VPS35: variants seen among roughly 807,000 people sequenced by gnomAD.
The protein encoded by VPS35 is vacuolar protein sorting-associated protein 35.
VPS35 carries 21 observed loss-of-function variants against 98.1 expected under a neutral mutation model. The ratio of observed to expected loss-of-function variants is 0.21; its 90% confidence interval spans 0.15 to 0.31. VPS35 has a LOEUF of 0.31. Ranked by LOEUF, VPS35 falls within the 10% of genes least tolerant of loss-of-function variation. VPS35 has a pLI of 1.00. For synonymous variants in VPS35, 268 were observed against 318.2 expected (o/e 0.84, Z 1.68); for missense variants, 554 against 950.8 (o/e 0.58, Z 5.49).
rs1220417976 is a variant in VPS35, at chr16:46,685,668, A to T, written c.4-2062T>A. On this transcript the variant is annotated intron_variant, in intron 1 of 16. Coordinates refer to ENST00000299138, the MANE Select transcript of VPS35 (RefSeq NM_018206.6). ...AGCATTTAAAGACTCTGACTTAATG[A>T]AATTTACTATTCATCATGGGCTAGT... is the stretch of plus-strand genomic sequence containing the variant. Among the ~76,000 whole-genome samples, 4 of 152,142 alleles carry T rather than the reference A, an allele frequency of 2.6e-5. No homozygotes were observed. The East Asian group carries it at 7.7e-4, about 29-fold the overall frequency.
rs1457963813 is a variant in VPS35, at chr16:46,658,687, ACTAACAC to A, written c.*1778_*1784del. On this transcript the variant is annotated 3_prime_UTR_variant, in exon 17 of 17. Coordinates refer to ENST00000299138, the MANE Select transcript of VPS35 (RefSeq NM_018206.6). ...CCATAATCAGGTTTATACGGGGTAAACTAACACCTACAAAGAACAGAAAGGGTTTGCT... is the reference window on the plus strand; with the variant it reads ...CCATAATCAGGTTTATACGGGGTAAACTACAAAGAACAGAAAGGGTTTGCT... The A allele has an allele frequency of 1.3e-5, 2 of 152,364 alleles. No individual in the cohort carries two copies. The highest frequency in any genetic ancestry group is 2.9e-5 in the Non-Finnish European group (2 of 68,052). 9.4% of individuals were successfully genotyped at this position (152,364 alleles called of 1,614,324 possible). A position where few individuals can be genotyped will look rare whatever the true frequency, so the allele number is the denominator to read the frequency against.
Position 46,661,795 on chromosome 16 carries a change from C to G in VPS35, c.2134G>C (p.Asp712His). ...KALKIANQCM[D>H]PSLQVQLFIE... ...AAAAGCTGCACTTGTAGAGAGGGGT[C>G]CATGCACTGATTTGCTATTTTTAGA... is the stretch of plus-strand genomic sequence containing the variant. Residue 712 changes from aspartate (D) to histidine (H), a missense_variant, in exon 16 of 17, where the codon GAC (aspartate) becomes CAC (histidine). Coordinates refer to ENST00000299138, the MANE Select transcript of VPS35 (RefSeq NM_018206.6). The surrounding 1 kb of genome is among the most constrained non-coding windows in gnomAD (Gnocchi z 4.3). 6.2e-7 allele frequency: 1 copy of G among 1,614,080 alleles called. No individual in the cohort carries two copies. Among genetic ancestry groups the G allele is most frequent in the African/African-American group, 1.3e-5 (1 of 75,040 alleles).
At chr16:46,667,859 A>G (rs545368756) in intron 13 of VPS35, among the ~76,000 whole-genome samples, 13 of 152,268 alleles carry the variant, frequency 8.5e-5, no homozygotes, top group African/African-American at 2.9e-4. Flanking sequence ...TAGACTCTCT[A>G]TTCTGTTCCA....
chr16:46,676,646 C>A lies in VPS35; in HGVS notation c.851G>T (p.Arg284Leu). The A allele has an allele frequency of 6.2e-7, 1 of 1,613,074 alleles. No homozygotes were observed. Among genetic ancestry groups the A allele is most frequent in the South Asian group, 1.1e-5 (1 of 91,046 alleles). ...ATTCTGGTGTAACTCAGCACAGGCCCGAAGAAAAGGATTCAAAGTCTGGAG... is the reference window on the plus strand; with the variant it reads ...ATTCTGGTGTAACTCAGCACAGGCCAGAAGAAAAGGATTCAAAGTCTGGAG... ...FHLQTLNPFLRACAELHQNVN... is the reference protein window; with the variant it reads ...FHLQTLNPFLLACAELHQNVN... The change falls in exon 8 of 17, where the codon CGG becomes CTG. Residue 284 changes from arginine (R) to leucine (L), a missense_variant. By Grantham distance (102) the Arg-to-Leu change is moderately radical. Transcript: ENST00000299138.
In VPS35 at chr16:46,681,747, T is replaced by C. The variant is rs2143008833; in HGVS notation, c.200-247A>G. On this transcript the variant is annotated intron_variant, in intron 3 of 16. Transcript: ENST00000299138. ...GTCAGACTGCTAATGGGTTTTGAAA[T>C]GGCAAATGATTAAATTCCTGTCCAT... 3 of 554,466 alleles carry C rather than the reference T, an allele frequency of 5.4e-6. No homozygotes were observed. In the South Asian group the frequency reaches 6.2e-5, roughly 11 times the overall value. The allele number at this position is 554,466 out of a possible 1,614,324, so 34.3% of individuals were successfully genotyped here.
chr16:46,668,849 TTATAA>T (rs2143006979), intron 13 of VPS35, 76 bp downstream of exon 13: 3 of 1,565,942 alleles, frequency 1.9e-6, no homozygotes, highest in African/African-American at 2.8e-5. Flanking sequence ...TTGAAATTTT[TTATAA>T]TATAAAACAA....
At chr16:46,687,283 T>C (rs1001066360) in intron 1 of VPS35, among the ~76,000 whole-genome samples, 24 of 152,178 alleles carry the variant, frequency 1.6e-4, no homozygotes, top group South Asian at 4.1e-4. Context: ...ATGGCATACA[T>C]TGACAACTGA....
chr16:46,678,700 CT>C, intron 6 of VPS35, among the ~76,000 whole-genome samples: 1 of 152,286 alleles, frequency 6.6e-6, no homozygotes, highest in South Asian at 2.1e-4. Context: ...CAAAAGTCTG[CT>C]GGGATTTTGA....
intron 12 of VPS35, 129 bp from the exon 13 acceptor site, chr16:46,669,181 G>T (rs1289951722): frequency 2.6e-6 from 3 of 1,166,366 alleles, no homozygotes; most frequent in Non-Finnish European, 3.8e-6. Context: ...TTTATGGTAG[G>T]CAATTTACAT....
intron 2 of VPS35, 104 bp downstream of exon 2, chr16:46,683,404 G>A: frequency 9.2e-7 from 1 of 1,084,404 alleles, no homozygotes; most frequent in Non-Finnish European, 1.4e-6. Context: ...CTGGTAAACG[G>A]TGAAGATTAG....
At position 46,657,545 on chromosome 16, in the gene VPS35, C is replaced by T. The variant is rs1264408499; in HGVS notation, c.*2927G>A. On this transcript the variant is annotated 3_prime_UTR_variant, in exon 17 of 17. Transcript: ENST00000299138. ...CTGTACACAAGTGCTCATCATTCTC[C>T]TTCTAGGTGCTCTGGTGCCTGATCA... 1.3e-5 allele frequency: 2 copies of T among 152,174 alleles called. No individual in the cohort carries two copies. Among genetic ancestry groups the T allele is most frequent in the African/African-American group, 4.8e-5 (2 of 41,410 alleles). The allele number at this position is 152,174 out of a possible 1,614,324, so 9.4% of individuals were successfully genotyped here. A position where few individuals can be genotyped will look rare whatever the true frequency, so the allele number is the denominator to read the frequency against.
intron 1 of VPS35, 40 bp downstream of exon 1, chr16:46,689,091 G>A: frequency 6.2e-7 from 1 of 1,603,304 alleles, no homozygotes; most frequent in Non-Finnish European, 8.5e-7. Flanking sequence ...GGGGCTACAA[G>A]GAGGGTCGAC....
chr16:46,686,190 C>T (rs1966310640), intron 1 of VPS35, among the ~76,000 whole-genome samples: 1 of 152,088 alleles, frequency 6.6e-6, no homozygotes, highest in South Asian at 2.1e-4. Context: ...CAATGTTCAT[C>T]CATGTTGCAG....
chr16:46,661,827 T>C lies in VPS35; in HGVS notation c.2102A>G (p.Lys701Arg). 1.2e-6 allele frequency: 2 copies of C among 1,614,170 alleles called. No individual in the cohort carries two copies. Among genetic ancestry groups the C allele is most frequent in the Non-Finnish European group, 1.7e-6 (2 of 1,180,030 alleles). Reference sequence around the variant, plus strand: ...CTGATTTGCTATTTTTAGAGCTTTTTTTAGGCACTCCATTACCCTCTTGCC... The same window carrying C: ...CTGATTTGCTATTTTTAGAGCTTTTCTTAGGCACTCCATTACCCTCTTGCC... ...HGGKRVMECLKKALKIANQCM... is the reference protein window; with the variant it reads ...HGGKRVMECLRKALKIANQCM... The change falls in exon 16 of 17, where the codon AAA becomes AGA. Residue 701 changes from lysine (K) to arginine (R), a missense_variant. This residue lies in a region of VPS35 where 153 missense variants were observed against 211.0 expected (regional missense o/e 0.73). Coordinates refer to ENST00000299138, the MANE Select transcript of VPS35 (RefSeq NM_018206.6). The surrounding 1 kb of genome is among the most constrained non-coding windows in gnomAD (Gnocchi z 4.3).
intron 12 of VPS35, among the ~76,000 whole-genome samples, chr16:46,671,434 T>C (rs1323257458): frequency 6.6e-6 from 1 of 152,064 alleles, no homozygotes; most frequent in Non-Finnish European, 1.5e-5. Flanking sequence ...TACAAACAAT[T>C]ATGTGTTTAT....
chr16:46,667,023 A>G (rs961796540), intron 13 of VPS35, among the ~76,000 whole-genome samples: 3 of 152,142 alleles, frequency 2.0e-5, no homozygotes, highest in Non-Finnish European at 4.4e-5. Flanking sequence ...TTCTAGTTTC[A>G]GTTTTTTGAG....
At chr16:46,664,137 G>A (rs1455992887) in intron 13 of VPS35, among the ~76,000 whole-genome samples, 2 of 152,026 alleles carry the variant, frequency 1.3e-5, no homozygotes, top group African/African-American at 4.8e-5. Flanking sequence ...ACATTCGGAT[G>A]CTAAATGTCT....
At position 46,656,418 on chromosome 16, in the gene VPS35, A is replaced by C. The variant is rs1965844825; in HGVS notation, c.*4054T>G. 1 of 152,266 alleles carries C rather than the reference A, an allele frequency of 6.6e-6. No homozygotes were observed. Among genetic ancestry groups the C allele is most frequent in the South Asian group, 2.1e-4 (1 of 4,836 alleles). 9.4% of individuals were successfully genotyped at this position (152,266 alleles called of 1,614,324 possible). On this transcript the variant is annotated 3_prime_UTR_variant, in exon 17 of 17. Coordinates refer to ENST00000299138, the MANE Select transcript of VPS35 (RefSeq NM_018206.6). ...TTGAAACCACCTTTACAAAAATTGT[A>C]ACTGAGGAAATTATGACAGTGAAAG...
chr16:46,686,393 A>G (rs1966315524), intron 1 of VPS35, among the ~76,000 whole-genome samples: 1 of 152,218 alleles, frequency 6.6e-6, no homozygotes, highest in Non-Finnish European at 1.5e-5. Flanking sequence ...TTCCAAAAAC[A>G]TTTGTATAGA....
Sources: gnomAD v4.1 joint callset for allele counts (sites outside exome capture counted in the v4.1 genomes callset) on GRCh38, gnomAD v4.1.1 for gene constraint, gnomAD v4.1.1 regional missense constraint, Gnocchi (gnomAD v3.1) non-coding constraint, MANE v1.5 for transcripts, NCBI Gene and HGNC (gene_info 2026-07-23, HGNC 2026-07-21) for gene names.